The following ERC1 variants were observed in gnomAD, a reference collection of about 807,000 sequenced individuals.
ERC1 encodes the protein ELKS/RAB6-interacting/CAST family member 1.
Under a neutral mutation model 132.0 loss-of-function variants are expected in ERC1, and 56 were observed. That is an observed-to-expected ratio of 0.42 (90% CI 0.34 to 0.53). The LOEUF is 0.53. Ranked by LOEUF, ERC1 falls within the 20% of genes least tolerant of loss-of-function variation. ERC1 has a pLI of 0.03. For missense variants in ERC1, 1,202 were observed against 1,349.9 expected (o/e 0.89, Z 1.72); for synonymous variants, 478 against 476.1 (o/e 1.00, Z -0.05).
intron 3 of ERC1, among the ~76,000 whole-genome samples, chr12:1,084,161 T>G (rs1942634011): frequency 6.6e-6 from 1 of 152,200 alleles, no homozygotes; most frequent in South Asian, 2.1e-4. Flanking sequence ...CTGACCTAGG[T>G]GACTACTGAT....
intron 12 of ERC1, among the ~76,000 whole-genome samples, chr12:1,226,770 G>C (rs1358938247): frequency 6.6e-6 from 1 of 152,144 alleles, no homozygotes; most frequent in Non-Finnish European, 1.5e-5. Context: ...TCCACCTCCT[G>C]AGCTCAAGCA....
chr12:1,150,290 C>T (rs547023784), intron 8 of ERC1, among the ~76,000 whole-genome samples: 6 of 152,286 alleles, frequency 3.9e-5, no homozygotes, highest in East Asian at 1.9e-4. Context: ...CCCTCTCTCC[C>T]GCAGTCAGAG....
At chr12:1,345,658 A>G (rs2084381980) in intron 15 of ERC1, among the ~76,000 whole-genome samples, 2 of 152,134 alleles carry the variant, frequency 1.3e-5, no homozygotes, top group Non-Finnish European at 2.9e-5. Flanking sequence ...ACCAGTTTTT[A>G]ATGATATAGT....
At chr12:1,015,272 T>A (rs1965338315) in intron 1 of ERC1, among the ~76,000 whole-genome samples, 1 of 151,916 alleles carries the variant, frequency 6.6e-6, no homozygotes, top group African/African-American at 2.4e-5. Context: ...TTGTCCAGGC[T>A]GGTCTTGAAC....
chr12:1,229,435 A>G (rs371764780), intron 12 of ERC1, among the ~76,000 whole-genome samples: 1 of 152,210 alleles, frequency 6.6e-6, no homozygotes, highest in African/African-American at 2.4e-5. Context: ...CAGAATTTTG[A>G]TGAACTATGA....
chr12:1,317,474 A>C (rs1237506215), intron 15 of ERC1, among the ~76,000 whole-genome samples: 1 of 152,202 alleles, frequency 6.6e-6, no homozygotes, highest in African/African-American at 2.4e-5. Flanking sequence ...TGGGTGCAGC[A>C]AACCACCATG....
chr12:1,436,345 A>C (rs991196571), intron 17 of ERC1, among the ~76,000 whole-genome samples: 1 of 152,202 alleles, frequency 6.6e-6, no homozygotes, highest in Non-Finnish European at 1.5e-5. Context: ...CTATGGACTG[A>C]GAAGGAGCCG....
intron 2 of ERC1, among the ~76,000 whole-genome samples, chr12:1,078,422 A>G (rs1941676317): frequency 8.0e-6 from 1 of 124,498 alleles, no homozygotes; most frequent in Non-Finnish European, 1.6e-5. Context: ...TATATTCATG[A>G]ATTTAAATTC....
Position 1,350,576 on chromosome 12 carries a change from T to C in ERC1, c.2781-21257T>C, listed in dbSNP as rs1311890879. Among the ~76,000 whole-genome samples the C allele has an allele frequency of 5.3e-5, 8 of 152,252 alleles. No homozygotes were observed. In the East Asian group the frequency reaches 1.5e-3, roughly 29 times the overall value. On this transcript the variant is annotated intron_variant, in intron 15 of 18. Transcript: ENST00000360905. ...CCTTTAACTGGGAAACTGCCATAAA[T>C]CCGTGAAGTCAGGTAGGACAGAGCC...
At chr12:1,418,643 C>CTT (rs1400638182) in intron 17 of ERC1, among the ~76,000 whole-genome samples, 30 of 113,280 alleles carry the variant, frequency 2.6e-4, no homozygotes, top group East Asian at 7.5e-4. Flanking sequence ...TTCTTTCTTT[C>CTT]TCTCTCTCTC....
intron 16 of ERC1, among the ~76,000 whole-genome samples, chr12:1,403,751 C>T (rs989933422): frequency 6.6e-6 from 1 of 151,972 alleles, no homozygotes; most frequent in Non-Finnish European, 1.5e-5. Context: ...TTTGTGTGTA[C>T]TTTATTAGGA....
chr12:1,021,677 C>T (rs1035906357), intron 1 of ERC1, among the ~76,000 whole-genome samples: 3 of 146,640 alleles, frequency 2.0e-5, no homozygotes, highest in South Asian at 2.2e-4. Context: ...CCAGCCTGGG[C>T]GACAGAACAA....
At chr12:1,372,411 A>C (rs1257063386) in intron 16 of ERC1, among the ~76,000 whole-genome samples, 2 of 152,194 alleles carry the variant, frequency 1.3e-5, no homozygotes, top group African/African-American at 4.8e-5. Context: ...TTTCTTTTCC[A>C]GCCTAAATGC....
Position 1,306,725 on chromosome 12 carries a change from TTTTTTTG to T in ERC1, c.2780+16734_2780+16740del, listed in dbSNP as rs536477392. Among the ~76,000 whole-genome samples the T allele has an allele frequency of 1.0e-3, 155 of 152,226 alleles. 1 individual carries two copies. In the South Asian group the frequency reaches 0.011, roughly 11 times the overall value. On this transcript the variant is annotated intron_variant, in intron 15 of 18. Coordinates refer to ENST00000360905, the MANE Select transcript of ERC1 (RefSeq NM_178040.4). The stretch of plus-strand genomic sequence containing the variant: ...AAGAGGCCTAATCAGAAAGTTGGGT[TTTTTTTG>T]TTTTTTGTTTTTTGTTTTTTTTAGA...
At chr12:1,387,131 G>C (rs1163322451) in intron 16 of ERC1, 1 of 139,258 alleles carries the variant, frequency 7.2e-6, no homozygotes, top group African/African-American at 3.1e-5. Context: ...CTGATAACTT[G>C]TTTTCTGTTT....
chr12:1,155,805 A>G (rs1159283311), intron 8 of ERC1, among the ~76,000 whole-genome samples: 6 of 152,054 alleles, frequency 3.9e-5, no homozygotes, highest in Non-Finnish European at 8.8e-5. Context: ...GAGAAATGAC[A>G]ATGTAGGATT....
intron 12 of ERC1, among the ~76,000 whole-genome samples, chr12:1,201,931 G>A (rs531754764): frequency 6.6e-6 from 1 of 152,320 alleles, no homozygotes; most frequent in East Asian, 1.9e-4. Context: ...GACTGGGGCT[G>A]CGGATGGTGG....
chr12:1,054,478 G>A (rs73608411), intron 2 of ERC1, among the ~76,000 whole-genome samples: 3,370 of 151,888 alleles, frequency 0.022, 119 homozygotes, highest in African/African-American at 0.077. Context: ...TCCCTTGCCT[G>A]TTTGGCTACT....
At chr12:1,195,878 C>CG (rs201553364) in intron 12 of ERC1, among the ~76,000 whole-genome samples, 24 of 134,948 alleles carry the variant, frequency 1.8e-4, no homozygotes, top group East Asian at 4.8e-4. Context: ...TATTTCCGCC[C>CG]CCCCCCCCCT....
Sources: gnomAD v4.1 joint callset for allele counts (sites outside exome capture counted in the v4.1 genomes callset) on GRCh38, gnomAD v4.1.1 for gene constraint, MANE v1.5 for transcripts, NCBI Gene and HGNC (gene_info 2026-07-23, HGNC 2026-07-21) for gene names.